Variants in ATG4B observed in about 807,000 individuals in gnomAD.
ATG4B encodes cysteine protease ATG4B.
ATG4B carries 29 observed loss-of-function variants against 56.6 expected under a neutral mutation model. The ratio of observed to expected loss-of-function variants is 0.51; its 90% CI spans 0.38 to 0.70. ATG4B has a LOEUF of 0.70. ATG4B is among the 30% of genes least tolerant of loss of function. The probability of loss-of-function intolerance (pLI) is 0.00; values close to 1 mark genes in which losing one functional copy is unlikely to be tolerated. For synonymous variants in ATG4B, 224 were observed against 206.1 expected (o/e 1.09, Z -0.74); for missense variants, 461 against 515.5 (o/e 0.89, Z 1.02).
intron 1 of ATG4B, among the ~76,000 whole-genome samples, chr2:241,642,585 C>G (rs2067925517): frequency 1.3e-5 from 2 of 151,404 alleles, no homozygotes; most frequent in South Asian, 4.2e-4. Context: ...TTTTGTAGTC[C>G]TCTCTGGTTG....
chr2:241,642,774 G>C (rs986766812), intron 1 of ATG4B, among the ~76,000 whole-genome samples: 2 of 149,228 alleles, frequency 1.3e-5, no homozygotes, highest in Non-Finnish European at 3.0e-5. Flanking sequence ...TCCCAGGGAA[G>C]AGGGCGTGGA....
chr2:241,652,419 G>T (rs897002538), intron 3 of ATG4B, among the ~76,000 whole-genome samples: 1 of 152,258 alleles, frequency 6.6e-6, no homozygotes, highest in South Asian at 2.1e-4. Context: ...CCTTGTGGAG[G>T]AGGTAGAGGC....
rs2068863953 is a variant in ATG4B at position 241,668,864 on chromosome 2, C to T, written c.957+179C>T. ...GAACTGTGTCCTTGCACCCTCACGT[C>T]CCTCCCCCAGGCACCACCTCCTGTG... On this transcript the variant is annotated intron_variant, in intron 10 of 12. Transcript: ENST00000404914. The surrounding 1 kb of genome is among the most constrained non-coding windows in gnomAD (Gnocchi z 4.2). 2.3e-6 allele frequency: 2 copies of T among 877,738 alleles called. No homozygotes were observed. Among genetic ancestry groups the T allele is most frequent in the African/African-American group, 1.7e-5 (1 of 58,670 alleles). The allele number at this position is 877,738 out of a possible 1,614,324, so 54.4% of individuals were successfully genotyped here. A position where few individuals can be genotyped will look rare whatever the true frequency, so the allele number is the denominator to read the frequency against.
At chr2:241,643,663 C>CGTGTGTGTGTGTGTGTGTGTGT (rs369340875) in intron 1 of ATG4B, among the ~76,000 whole-genome samples, 4 of 135,604 alleles carry the variant, frequency 2.9e-5, no homozygotes, top group African/African-American at 1.2e-4. Context: ...TATATATATA[C>CGTGTGTGTGTGTGTGTGTGTGT]GTGTGTGTGT....
intron 7 of ATG4B, 29 bp from the exon 8 acceptor site, chr2:241,666,616 G>T: frequency 6.2e-7 from 1 of 1,610,210 alleles, no homozygotes; most frequent in East Asian, 2.2e-5. Context: ...AGGTCTGCTT[G>T]GTTAGTGAAA....
rs200406322 is a variant in ATG4B at position 241,655,108 on chromosome 2, GC to G, written c.386-158del. ...AAGGACAGTCCCTGAGACCTTGTTT[GC>G]CCCCTCATGCCTCCCCCGATCTTGT... On this transcript the variant is annotated intron_variant, in intron 5 of 12. Coordinates refer to ENST00000404914, the MANE Select transcript of ATG4B (RefSeq NM_013325.5). 2,309 of 652,394 alleles carry G rather than the reference GC, an allele frequency of 3.5e-3. 37 individuals are homozygous for G. In the African/African-American group the frequency reaches 0.038, roughly 11 times the overall value. 40.4% of individuals were successfully genotyped at this position (652,394 alleles called of 1,614,324 possible).
At position 241,672,431 on chromosome 2, in the gene ATG4B, T is replaced by TA; in HGVS notation, c.*168dup. On this transcript the variant is annotated 3_prime_UTR_variant, in exon 13 of 13. Transcript: ENST00000404914. Reference sequence around the variant, plus strand: ...TGAGGCTGCGCTGCCCGGGAGGCCTTACTGCTTGGTGTCAGACTGCCCAGC... The same window carrying TA: ...TGAGGCTGCGCTGCCCGGGAGGCCTTAACTGCTTGGTGTCAGACTGCCCAGC... The TA allele has an allele frequency of 3.1e-6, 2 of 648,354 alleles. No individual in the cohort carries two copies. The highest frequency in any genetic ancestry group is 1.9e-5 in the South Asian group (1 of 52,598). 40.2% of individuals were successfully genotyped at this position (648,354 alleles called of 1,614,324 possible).
At chr2:241,647,895 C>G (rs2068111641) in intron 1 of ATG4B, among the ~76,000 whole-genome samples, 1 of 151,654 alleles carries the variant, frequency 6.6e-6, no homozygotes. Context: ...GGGTGGATCA[C>G]TTGAGGTCAG....
At chr2:241,644,514 G>T (rs544149388) in intron 1 of ATG4B, among the ~76,000 whole-genome samples, 6 of 152,354 alleles carry the variant, frequency 3.9e-5, no homozygotes, top group Non-Finnish European at 7.3e-5. Context: ...AGAAGTCCAG[G>T]CCTGTGTCTG....
chr2:241,649,686 T>G lies in ATG4B; in HGVS notation c.11-1324T>G, dbSNP rs137910777. Among the ~76,000 whole-genome samples the G allele has an allele frequency of 3.1e-3, 478 of 152,346 alleles. 1 individual carries two copies. Among genetic ancestry groups the G allele is most frequent in the African/African-American group, 0.011 (460 of 41,594 alleles). On this transcript the variant is annotated intron_variant, in intron 1 of 12. Transcript: ENST00000404914. Reference sequence around the variant, plus strand: ...GCTGGCGCCTTCTTTTCAGGAACATTGTGGGACATGGGTATCCTCAGCCAC... The same window carrying G: ...GCTGGCGCCTTCTTTTCAGGAACATGGTGGGACATGGGTATCCTCAGCCAC...
chr2:241,657,168 G>A (rs2068432901), intron 6 of ATG4B, among the ~76,000 whole-genome samples: 1 of 147,984 alleles, frequency 6.8e-6, no homozygotes, highest in Admixed American at 6.8e-5. Context: ...GTAGAGATGG[G>A]GTTTCACCAT....
rs373248756 is a variant in ATG4B, at chr2:241,652,656, C to G, written c.185-856C>G. On this transcript the variant is annotated intron_variant, in intron 3 of 12. Transcript: ENST00000404914. ...GGACTACAGGTGCACACCACCACGC[C>G]TGGCTCTGAGATACGTTTTTATCAG... Among the ~76,000 whole-genome samples, 6 of 152,328 alleles carry G rather than the reference C, an allele frequency of 3.9e-5. No homozygotes were observed. The East Asian group carries it at 7.7e-4, about 20-fold the overall frequency.
Position 241,651,427 on chromosome 2 carries a change from T to C in ATG4B, c.184+92T>C. ...TGTAGATTTGACTTCAATATGCCAC[T>C]GACTTCATTTGAATCTTCACAGCAA... On this transcript the variant is annotated intron_variant, in intron 3 of 12. Transcript: ENST00000404914. The surrounding 1 kb of genome is among the most constrained non-coding windows in gnomAD (Gnocchi z 4.1). 1 of 952,256 alleles carries C rather than the reference T, an allele frequency of 1.1e-6. No individual in the cohort carries two copies. Among genetic ancestry groups the C allele is most frequent in the South Asian group, 1.6e-5 (1 of 63,182 alleles). The allele number at this position is 952,256 out of a possible 1,614,324, so 59.0% of individuals were successfully genotyped here. A position where few individuals can be genotyped will look rare whatever the true frequency, so the allele number is the denominator to read the frequency against.
chr2:241,652,036 G>A (rs1167458847), intron 3 of ATG4B: 4 of 1,215,684 alleles, frequency 3.3e-6, no homozygotes, highest in African/African-American at 3.1e-5. Flanking sequence ...CCCTCTTCTA[G>A]GGGTGGTTTC....
chr2:241,639,229 C>T (rs565488827), intron 1 of ATG4B, among the ~76,000 whole-genome samples: 227 of 152,354 alleles, frequency 1.5e-3, no homozygotes, highest in African/African-American at 5.1e-3. Context: ...ACTCCCACGG[C>T]GGACTCCAGC....
intron 1 of ATG4B, among the ~76,000 whole-genome samples, chr2:241,649,619 G>A (rs2068168516): frequency 6.6e-6 from 1 of 152,194 alleles, no homozygotes; most frequent in South Asian, 2.1e-4. Flanking sequence ...TACGCAATGG[G>A]CATCTCGCCA....
At chr2:241,664,574 C>T (rs907085667) in intron 7 of ATG4B, among the ~76,000 whole-genome samples, 1 of 152,104 alleles carries the variant, frequency 6.6e-6, no homozygotes, top group East Asian at 1.9e-4. Flanking sequence ...TCCCTTAAGG[C>T]TGGGCGTGGT....
intron 1 of ATG4B, among the ~76,000 whole-genome samples, chr2:241,638,021 G>T (rs1259468915): frequency 6.6e-6 from 1 of 151,616 alleles, no homozygotes; most frequent in African/African-American, 2.4e-5. Flanking sequence ...AGGCCCTTGC[G>T]CCAGGTCGGC....
chr2:241,656,656 G>C (rs535204130), intron 6 of ATG4B, among the ~76,000 whole-genome samples: 1 of 152,324 alleles, frequency 6.6e-6, no homozygotes, highest in Admixed American at 6.5e-5. Context: ...TTCCAGGGCT[G>C]ATTTGTCCCT....
Sources: allele counts gnomAD v4.1 joint callset (sites outside exome capture counted in the v4.1 genomes callset), GRCh38; gene constraint gnomAD v4.1.1; non-coding constraint Gnocchi (gnomAD v3.1); transcripts MANE v1.5; gene names NCBI Gene and HGNC (gene_info 2026-07-23, HGNC 2026-07-21).